The following GALNTL6 variants were observed in gnomAD, a reference collection of about 807,000 sequenced individuals.
The protein encoded by GALNTL6 is polypeptide N-acetylgalactosaminyltransferase-like 6.
In GALNTL6, 46 loss-of-function variants were observed where a neutral mutation model predicts 73.7. The observed-to-expected ratio is 0.62, with a 90% CI of 0.49 to 0.80. GALNTL6 has a LOEUF of 0.80. Among genes scored for constraint, GALNTL6 ranks in the 30% least tolerant of loss-of-function variants. GALNTL6 has a pLI of 0.00. For missense variants in GALNTL6, 604 were observed against 755.0 expected, an observed-to-expected ratio of 0.80 and a Z score of 2.34; for synonymous variants, 259 against 263.7, an observed-to-expected ratio of 0.98 and a Z score of 0.17.
At chr4:172,668,827 G>A (rs1731813928) in intron 5 of GALNTL6, 2 of 152,096 alleles carry the variant, frequency 1.3e-5, no homozygotes, top group South Asian at 4.1e-4. Flanking sequence ...AATAAGATGA[G>A]GGGAGTGCAG....
At chr4:172,115,988 A>G (rs1195062130) in intron 2 of GALNTL6, among the ~76,000 whole-genome samples, 2 of 152,072 alleles carry the variant, frequency 1.3e-5, no homozygotes, top group African/African-American at 4.8e-5. Flanking sequence ...AAATTATATG[A>G]CAGTATTAAT....
intron 5 of GALNTL6, among the ~76,000 whole-genome samples, chr4:172,723,423 C>T (rs1735604045): frequency 6.6e-6 from 1 of 152,140 alleles, no homozygotes; most frequent in Non-Finnish European, 1.5e-5. Flanking sequence ...TCCATTTCCT[C>T]ATCTAATCAT....
chr4:172,016,004 T>G (rs578000479), intron 2 of GALNTL6, among the ~76,000 whole-genome samples: 1 of 148,652 alleles, frequency 6.7e-6, no homozygotes, highest in East Asian at 2.0e-4. Flanking sequence ...ATTCTTTCCT[T>G]TGTCTGGACT....
chr4:172,477,598 A>G (rs1409423961), intron 5 of GALNTL6, among the ~76,000 whole-genome samples: 1 of 152,052 alleles, frequency 6.6e-6, no homozygotes, highest in Non-Finnish European at 1.5e-5. Context: ...GGCTGTGCTC[A>G]CTCTCCCACC....
chr4:172,672,980 A>G (rs1560871241), intron 5 of GALNTL6, among the ~76,000 whole-genome samples: 2 of 152,142 alleles, frequency 1.3e-5, no homozygotes, highest in Non-Finnish European at 2.9e-5. Context: ...GAGCTTCTGG[A>G]TTAATTGATC....
At chr4:172,696,896 C>T (rs1733730731) in intron 5 of GALNTL6, among the ~76,000 whole-genome samples, 1 of 152,186 alleles carries the variant, frequency 6.6e-6, no homozygotes, top group Admixed American at 6.5e-5. Context: ...AATAATTATT[C>T]TCATAGTAAC....
intron 5 of GALNTL6, among the ~76,000 whole-genome samples, chr4:172,739,098 C>A (rs986794097): frequency 6.6e-6 from 1 of 152,170 alleles, no homozygotes; most frequent in Admixed American, 6.5e-5. Flanking sequence ...CCACTTCCAT[C>A]ATGGCTTGAA....
At position 172,602,621 on chromosome 4, in the gene GALNTL6, T is replaced by A. The variant is rs537575020; in HGVS notation, c.554-206740T>A. ...TCCAAAAGAAGATAGAAAAAAAGAATTCTCATACATTGACCATTCGAATAT... is the reference window on the plus strand; with the variant it reads ...TCCAAAAGAAGATAGAAAAAAAGAAATCTCATACATTGACCATTCGAATAT... On this transcript the variant is annotated intron_variant, in intron 5 of 12. Coordinates refer to ENST00000506823, the MANE Select transcript of GALNTL6 (RefSeq NM_001034845.3). Among the ~76,000 whole-genome samples, 47 of 152,266 alleles carry A rather than the reference T, an allele frequency of 3.1e-4. 1 individual carries two copies. Among genetic ancestry groups the A allele is most frequent in the Admixed American group, 3.1e-3 (47 of 15,274 alleles).
chr4:172,805,869 G>C (rs1386818231), intron 5 of GALNTL6, among the ~76,000 whole-genome samples: 1 of 152,034 alleles, frequency 6.6e-6, no homozygotes, highest in Non-Finnish European at 1.5e-5. Context: ...TAGATGGGGC[G>C]CAACTGACCA....
chr4:172,833,558 C>T (rs2111061740), intron 7 of GALNTL6, among the ~76,000 whole-genome samples: 1 of 152,284 alleles, frequency 6.6e-6, no homozygotes, highest in Middle Eastern at 3.4e-3. Flanking sequence ...CCTTCATTCC[C>T]TCACACTTGA....
At chr4:171,865,734 A>T (rs1261878476) in intron 2 of GALNTL6, among the ~76,000 whole-genome samples, 4 of 152,226 alleles carry the variant, frequency 2.6e-5, no homozygotes, top group Admixed American at 2.0e-4. Flanking sequence ...CAGGCTTTTG[A>T]TGAGTTATTT....
Position 172,311,984 on chromosome 4 carries a change from T to G in GALNTL6, c.386+232T>G, listed in dbSNP as rs572749688. Among the ~76,000 whole-genome samples the G allele has an allele frequency of 3.9e-5, 6 of 152,360 alleles. No individual in the cohort carries two copies. In the South Asian group the frequency reaches 1.2e-3, roughly 32 times the overall value. ...AAATCCAATACACATTTTTGTTGAC[T>G]GTGTTAACTCATTAACATAAAATAT... On this transcript the variant is annotated intron_variant, in intron 4 of 12. Transcript: ENST00000506823.
At position 172,711,524 on chromosome 4, in the gene GALNTL6, T is replaced by A. The variant is rs111244766; in HGVS notation, c.554-97837T>A. On this transcript the variant is annotated intron_variant, in intron 5 of 12. Transcript: ENST00000506823. ...TTGGGTGAATATAAAATAAAGGGAG[T>A]CAAAATTGAATGTGTGCCGGGTGAA... Among the ~76,000 whole-genome samples, 376 of 151,884 alleles carry A rather than the reference T, an allele frequency of 2.5e-3. 1 individual carries two copies. Among genetic ancestry groups the A allele is most frequent in the African/African-American group, 8.5e-3 (354 of 41,414 alleles).
chr4:172,124,681 A>G (rs1027294900), intron 2 of GALNTL6, among the ~76,000 whole-genome samples: 4 of 152,220 alleles, frequency 2.6e-5, no homozygotes, highest in Non-Finnish European at 4.4e-5. Flanking sequence ...AAAAAAACAA[A>G]TCTACTGAAG....
intron 2 of GALNTL6, among the ~76,000 whole-genome samples, chr4:171,873,241 G>T (rs375093573): frequency 1.3e-5 from 2 of 152,264 alleles, no homozygotes; most frequent in South Asian, 4.1e-4. Context: ...GACCTTGGCA[G>T]AACCAATCCA....
intron 5 of GALNTL6, among the ~76,000 whole-genome samples, chr4:172,655,971 C>A (rs1263451770): frequency 1.3e-5 from 2 of 152,058 alleles, no homozygotes; most frequent in Admixed American, 6.6e-5. Context: ...AAACATTAGT[C>A]AAAAACACAT....
intron 8 of GALNTL6, among the ~76,000 whole-genome samples, chr4:172,924,775 C>A (rs1747962179): frequency 6.6e-6 from 1 of 152,148 alleles, no homozygotes; most frequent in Non-Finnish European, 1.5e-5. Flanking sequence ...GTCTTGGAAC[C>A]TTTATGGAGC....
chr4:172,809,273 C>CCT lies in GALNTL6; in HGVS notation c.554-88_554-87insCT. On this transcript the variant is annotated intron_variant, in intron 5 of 12. Coordinates refer to ENST00000506823, the MANE Select transcript of GALNTL6 (RefSeq NM_001034845.3). The surrounding 1 kb of genome is among the most constrained non-coding windows in gnomAD (Gnocchi z 4.4). ...ATGTTACCCCAGGATTCATCAGTCA[C>CCT]ATACTCTCTATGCACAAACAACCGT... 1 of 1,030,258 alleles carries CCT rather than the reference C, an allele frequency of 9.7e-7. No homozygotes were observed. The highest frequency in any genetic ancestry group is 1.5e-6 in the Non-Finnish European group (1 of 672,990). 63.8% of individuals were successfully genotyped at this position (1,030,258 alleles called of 1,614,324 possible).
intron 2 of GALNTL6, among the ~76,000 whole-genome samples, chr4:172,078,864 A>C (rs1731791428): frequency 6.6e-6 from 1 of 152,172 alleles, no homozygotes; most frequent in African/African-American, 2.4e-5. Flanking sequence ...AAATTTTAAA[A>C]AACTTTATAA....
Sources: gnomAD v4.1 joint callset for allele counts (sites outside exome capture counted in the v4.1 genomes callset) on GRCh38, gnomAD v4.1.1 for gene constraint, Gnocchi (gnomAD v3.1) non-coding constraint, MANE v1.5 for transcripts, NCBI Gene and HGNC (gene_info 2026-07-23, HGNC 2026-07-21) for gene names.